ATP6V1E2: variants seen among roughly 807,000 people sequenced by gnomAD.
ATP6V1E2 encodes the protein V-type proton ATPase subunit E 2.
For synonymous variants in ATP6V1E2, 121 were observed against 104.2 expected (o/e 1.16, Z -0.98); for missense variants, 308 against 273.3 (o/e 1.13, Z -0.90).
rs1008523563 is a variant in ATP6V1E2 at position 46,535,121 on chromosome 2, G to A, written c.-102+692C>T. 6.6e-6 allele frequency: 1 copy of A among 152,208 alleles called. No homozygotes were observed. Among genetic ancestry groups the A allele is most frequent in the Non-Finnish European group, 1.5e-5 (1 of 68,026 alleles). 9.4% of individuals were successfully genotyped at this position (152,208 alleles called of 1,614,324 possible). Reference sequence around the variant, plus strand: ...TTTAGACAGCATTTTTCAGCAGAAAGTTAGAGTGATAGGGTTTGCCCCATT... The same window carrying A: ...TTTAGACAGCATTTTTCAGCAGAAAATTAGAGTGATAGGGTTTGCCCCATT... On this transcript the variant is annotated intron_variant, in intron 4 of 4. Coordinates refer to ENST00000522587, the MANE Select transcript of ATP6V1E2 (RefSeq NM_001318063.2). The surrounding 1 kb of genome is among the most constrained non-coding windows in gnomAD (Gnocchi z 4.4).
At chr2:46,536,911 T>C (rs960269713) in intron 2 of ATP6V1E2, among the ~76,000 whole-genome samples, 4 of 151,942 alleles carry the variant, frequency 2.6e-5, no homozygotes, top group Non-Finnish European at 4.4e-5. Context: ...GCCTCCCGAG[T>C]AGCTGGGATT....
At chr2:46,513,786 C>G (rs114356349) in intron 4 of ATP6V1E2, among the ~76,000 whole-genome samples, 2 of 151,522 alleles carry the variant, frequency 1.3e-5, no homozygotes, top group Non-Finnish European at 2.9e-5. Flanking sequence ...GATCGCGCCA[C>G]TGTACTTGAG....
At chr2:46,525,488 A>AAAAAAAAC in intron 4 of ATP6V1E2, among the ~76,000 whole-genome samples, 1 of 143,514 alleles carries the variant, frequency 7.0e-6, no homozygotes, top group East Asian at 2.0e-4. Context: ...AAAAAAAAAA[A>AAAAAAAAC]AGAAAGCAGG....
intron 4 of ATP6V1E2, among the ~76,000 whole-genome samples, chr2:46,515,303 T>G (rs1438425761): frequency 1.3e-5 from 2 of 152,162 alleles, no homozygotes. Flanking sequence ...GTATAAAAAG[T>G]AACCATAACT....
In ATP6V1E2 at chr2:46,512,446, T is replaced by A; in HGVS notation, c.266A>T (p.Asp89Val). ...CTCACTGAGCAAATCTGAGATGAGGTCATTTCGGGCTCTCAGGACTTTCAG... is the reference window on the plus strand; with the variant it reads ...CTCACTGAGCAAATCTGAGATGAGGACATTTCGGGCTCTCAGGACTTTCAG... ...ARLKVLRARN[D>V]LISDLLSEAK... Residue 89 changes from aspartate to valine, a missense_variant, in exon 5 of 5, where the codon GAC becomes GTC. Transcript: ENST00000522587. 6.2e-7 allele frequency: 1 copy of A among 1,614,138 alleles called. No homozygotes were observed. Among genetic ancestry groups the A allele is most frequent in the Non-Finnish European group, 8.5e-7 (1 of 1,180,026 alleles).
chr2:46,532,374 A>T (rs1235859669), intron 4 of ATP6V1E2, among the ~76,000 whole-genome samples: 1 of 147,892 alleles, frequency 6.8e-6, no homozygotes, highest in Non-Finnish European at 1.5e-5. Context: ...TTGGCTTATT[A>T]AAAAGACCTC....
At chr2:46,521,946 TC>T (rs11320449) in intron 4 of ATP6V1E2, among the ~76,000 whole-genome samples, 78,934 of 151,766 alleles carry the variant, frequency 0.52, 20,824 homozygotes, top group East Asian at 0.82. Flanking sequence ...CGCCTCAGCC[TC>T]CCAAAGTGCT....
chr2:46,542,258 C>T lies in ATP6V1E2; in HGVS notation c.-415G>A, dbSNP rs1322729231. The T allele has an allele frequency of 6.6e-6, 1 of 150,840 alleles. No individual in the cohort carries two copies. The highest frequency in any genetic ancestry group is 6.6e-5 in the Admixed American group (1 of 15,176). The allele number at this position is 150,840 out of a possible 1,614,324, so 9.3% of individuals were successfully genotyped here. ...CCTTGATTTCTAGTTCCGTTGTGCA[C>T]TTAGAGGCCGAGAGGATGGCTCTGG... On this transcript the variant is annotated 5_prime_UTR_variant, in exon 1 of 5. It adds an upstream start codon to the 5' untranslated region. Transcript: ENST00000522587.
At chr2:46,539,559 A>T (rs1390632916) in intron 2 of ATP6V1E2, among the ~76,000 whole-genome samples, 2 of 152,240 alleles carry the variant, frequency 1.3e-5, no homozygotes, top group African/African-American at 4.8e-5. Flanking sequence ...TGTACAGTGG[A>T]GACTGCCCAA....
At chr2:46,527,409 G>A (rs923258764) in intron 4 of ATP6V1E2, among the ~76,000 whole-genome samples, 1 of 152,104 alleles carries the variant, frequency 6.6e-6, no homozygotes, top group Non-Finnish European at 1.5e-5. Flanking sequence ...TTTTAGTAGA[G>A]ACAGGGTTTC....
At chr2:46,512,913 A>C in intron 4 of ATP6V1E2, 101 bp from the exon 5 acceptor site, 1 of 533,566 alleles carries the variant, frequency 1.9e-6, no homozygotes, top group Non-Finnish European at 3.3e-6. Context: ...GAGGAAATTG[A>C]GGTCCAGAGA....
At chr2:46,521,459 G>A (rs746808302) in intron 4 of ATP6V1E2, among the ~76,000 whole-genome samples, 37 of 152,316 alleles carry the variant, frequency 2.4e-4, no homozygotes, top group South Asian at 1.9e-3. Flanking sequence ...GTCTGGGTGT[G>A]TGCTTCCTAC....
rs561874435 is a variant in ATP6V1E2, at chr2:46,535,324, A to G, written c.-102+489T>C. 1 of 152,320 alleles carries G rather than the reference A, an allele frequency of 6.6e-6. No homozygotes were observed. Among genetic ancestry groups the G allele is most frequent in the East Asian group, 1.9e-4 (1 of 5,186 alleles). The allele number at this position is 152,320 out of a possible 1,614,324, so 9.4% of individuals were successfully genotyped here. A position where few individuals can be genotyped will look rare whatever the true frequency, so the allele number is the denominator to read the frequency against. ...CTACTCCCTCTACATGAAGCACATT[A>G]ATAAAGTGATCTGCTTCTCCAGTCT... On this transcript the variant is annotated intron_variant, in intron 4 of 4. Coordinates refer to ENST00000522587, the MANE Select transcript of ATP6V1E2 (RefSeq NM_001318063.2). This position sits in a 1 kb window ranked among gnomAD's most constrained non-coding sequence, Gnocchi z 4.4.
At chr2:46,540,697 G>C (rs1290839816) in intron 2 of ATP6V1E2, among the ~76,000 whole-genome samples, 3 of 141,650 alleles carry the variant, frequency 2.1e-5, no homozygotes, top group African/African-American at 5.3e-5. Context: ...GTTGCGGTCT[G>C]ATTGGTGCTT....
chr2:46,524,071 C>A (rs1010777469), intron 4 of ATP6V1E2, among the ~76,000 whole-genome samples: 1 of 151,070 alleles, frequency 6.6e-6, no homozygotes, highest in Non-Finnish European at 1.5e-5. Flanking sequence ...TGTTTTTGCA[C>A]ATTGATTTTG....
chr2:46,540,498 C>T (rs1457231487), intron 2 of ATP6V1E2, among the ~76,000 whole-genome samples: 1 of 150,976 alleles, frequency 6.6e-6, no homozygotes, highest in South Asian at 2.1e-4. Context: ...AGACCTGTGT[C>T]TGTTTCAACA....
chr2:46,512,571 T>G lies in ATP6V1E2; in HGVS notation c.141A>C (p.Gln47His), dbSNP rs1572695116. ...ACTCCATAATCTTCAGTCGTTGGGT[T>G]TGCACGAGGCGTCCTTTCTCAATGT... is the stretch of plus-strand genomic sequence containing the variant. ...EFNIEKGRLV[Q>H]TQRLKIMEYY... Residue 47 changes from glutamine to histidine, a missense_variant, in exon 5 of 5, where the codon CAA (glutamine) becomes CAC (histidine). Coordinates refer to ENST00000522587, the MANE Select transcript of ATP6V1E2 (RefSeq NM_001318063.2). 23 of 1,614,100 alleles carry G rather than the reference T, an allele frequency of 1.4e-5. No homozygotes were observed. The East Asian group carries it at 5.1e-4, about 36-fold the overall frequency.
Position 46,512,429 on chromosome 2 carries a change from G to A in ATP6V1E2, c.283C>T (p.Leu95Phe), listed in dbSNP as rs1687505836. 2.7e-5 allele frequency: 43 copies of A among 1,614,214 alleles called. No individual in the cohort carries two copies. Among genetic ancestry groups the A allele is most frequent in the Non-Finnish European group, 3.6e-5 (43 of 1,180,048 alleles). ...RARNDLISDL[L>F]SEAKLRLSRI... ...CTGAGTCTCAGCTTCGCCTCACTGA[G>A]CAAATCTGAGATGAGGTCATTTCGG... Residue 95 changes from leucine (L) to phenylalanine (F), a missense_variant, in exon 5 of 5, where the codon CTC (leucine) becomes TTC (phenylalanine). Coordinates refer to ENST00000522587, the MANE Select transcript of ATP6V1E2 (RefSeq NM_001318063.2).
At chr2:46,529,208 C>T (rs962045282) in intron 4 of ATP6V1E2, among the ~76,000 whole-genome samples, 1 of 152,216 alleles carries the variant, frequency 6.6e-6, no homozygotes, top group African/African-American at 2.4e-5. Context: ...ATTCAGATGC[C>T]CAACACTGCT....
Sources: gnomAD v4.1 joint callset for allele counts (sites outside exome capture counted in the v4.1 genomes callset) on GRCh38, gnomAD v4.1.1 for gene constraint, Gnocchi (gnomAD v3.1) non-coding constraint, MANE v1.5 for transcripts, NCBI Gene and HGNC (gene_info 2026-07-23, HGNC 2026-07-21) for gene names.